The following USP13 variants were observed in gnomAD, a reference collection of about 807,000 sequenced individuals.
USP13 encodes the protein ubiquitin carboxyl-terminal hydrolase 13.
In USP13, 68 loss-of-function variants were observed where a neutral mutation model predicts 107.8. The ratio of observed to expected loss-of-function variants is 0.63; its 90% CI spans 0.52 to 0.77. USP13 has a LOEUF of 0.77. Ranked by LOEUF, USP13 falls within the 30% of genes least tolerant of loss-of-function variation. The pLI is 0.00. For missense variants in USP13, 945 were observed against 1,093.3 expected, an observed-to-expected ratio of 0.86 and a Z score of 1.91; for synonymous variants, 377 against 389.5, an observed-to-expected ratio of 0.97 and a Z score of 0.38.
In USP13 at chr3:179,653,613, A is replaced by T. The variant is rs1272983673; in HGVS notation, c.168+220A>T. The T allele has an allele frequency of 1.7e-6, 1 of 599,486 alleles. No homozygotes were observed. Among genetic ancestry groups the T allele is most frequent in the East Asian group, 3.3e-5 (1 of 30,696 alleles). The allele number at this position is 599,486 out of a possible 1,614,324, so 37.1% of individuals were successfully genotyped here. ...GTGGTTTTGCTCCGCCAGCCTCCCC[A>T]GGCTGGAAGGGCCCGATTCCCAGCA... On this transcript the variant is annotated intron_variant, in intron 1 of 20. Coordinates refer to ENST00000263966, the MANE Select transcript of USP13 (RefSeq NM_003940.3). This position sits in a 1 kb window ranked among gnomAD's most constrained non-coding sequence, Gnocchi z 4.0.
Position 179,696,388 on chromosome 3 carries a change from T to C in USP13, c.356-4620T>C, listed in dbSNP as rs977021909. On this transcript the variant is annotated intron_variant, in intron 3 of 20. Coordinates refer to ENST00000263966, the MANE Select transcript of USP13 (RefSeq NM_003940.3). ...TCTTGTTGCCCAGGCTGGAGTGCAATGGCATGATCTTGGCTCACCGCAACC... is the reference window on the plus strand; with the variant it reads ...TCTTGTTGCCCAGGCTGGAGTGCAACGGCATGATCTTGGCTCACCGCAACC... Among the ~76,000 whole-genome samples the C allele has an allele frequency of 2.2e-5, 3 of 137,096 alleles. No individual in the cohort carries two copies. The East Asian group carries it at 6.6e-4, about 30-fold the overall frequency. 89.9% of individuals were successfully genotyped at this position (137,096 alleles called of 152,430 possible). A position where few individuals can be genotyped will look rare whatever the true frequency, so the allele number is the denominator to read the frequency against.
chr3:179,754,040 C>T (rs1029105488), intron 14 of USP13, among the ~76,000 whole-genome samples: 6 of 152,144 alleles, frequency 3.9e-5, no homozygotes, highest in East Asian at 1.9e-4. Context: ...GATCTGAGAA[C>T]GGGTTGCATC....
At chr3:179,765,358 A>T (rs1715139282) in intron 18 of USP13, among the ~76,000 whole-genome samples, 1 of 152,244 alleles carries the variant, frequency 6.6e-6, no homozygotes, top group Admixed American at 6.5e-5. Flanking sequence ...CACTTAAACA[A>T]ATGCCATACC....
At chr3:179,675,583 T>C (rs1201295324) in intron 1 of USP13, among the ~76,000 whole-genome samples, 1 of 151,424 alleles carries the variant, frequency 6.6e-6, no homozygotes, top group Non-Finnish European at 1.5e-5. Context: ...AGTCTCGCTC[T>C]GTTGCCCAAG....
intron 6 of USP13, among the ~76,000 whole-genome samples, chr3:179,715,662 C>G (rs751335068): frequency 7.9e-5 from 12 of 152,034 alleles, no homozygotes; most frequent in Non-Finnish European, 1.2e-4. Flanking sequence ...TGTGCCCGGC[C>G]TTGTGTTTAT....
At chr3:179,672,673 C>T (rs971751054) in intron 1 of USP13, among the ~76,000 whole-genome samples, 4 of 152,106 alleles carry the variant, frequency 2.6e-5, no homozygotes, top group African/African-American at 9.7e-5. Flanking sequence ...ACCTGCCTCC[C>T]AAAGTGATGG....
At chr3:179,720,322 T>C (rs1275938079) in intron 7 of USP13, among the ~76,000 whole-genome samples, 2 of 152,182 alleles carry the variant, frequency 1.3e-5, no homozygotes, top group African/African-American at 4.8e-5. Context: ...TGGGCAGTCG[T>C]GTGAATCATT....
chr3:179,672,755 A>G (rs1720786281), intron 1 of USP13, among the ~76,000 whole-genome samples: 2 of 152,194 alleles, frequency 1.3e-5, no homozygotes, highest in South Asian at 4.1e-4. Flanking sequence ...GGGCTGGAGA[A>G]GTTGTCAAGG....
At chr3:179,668,254 C>T (rs770697656) in intron 1 of USP13, among the ~76,000 whole-genome samples, 3 of 152,178 alleles carry the variant, frequency 2.0e-5, no homozygotes, top group South Asian at 2.1e-4. Flanking sequence ...CCCGCCTCAG[C>T]CTTTTGAGTA....
chr3:179,694,828 CAAAG>C (rs1236810867), intron 3 of USP13, among the ~76,000 whole-genome samples: 3 of 127,198 alleles, frequency 2.4e-5, no homozygotes, highest in Non-Finnish European at 5.1e-5. Flanking sequence ...AAAAAAGAAA[CAAAG>C]AAAAGAGGAG....
intron 20 of USP13, among the ~76,000 whole-genome samples, chr3:179,783,773 C>T (rs1410291290): frequency 1.3e-5 from 2 of 151,240 alleles, no homozygotes; most frequent in East Asian, 3.9e-4. Context: ...GAGGCTGAAG[C>T]GAGAGGATCC....
chr3:179,749,575 T>C (rs1486255703), intron 13 of USP13, among the ~76,000 whole-genome samples: 4 of 152,196 alleles, frequency 2.6e-5, no homozygotes, highest in African/African-American at 9.7e-5. Flanking sequence ...AGATATATAT[T>C]GAACAGTTAC....
chr3:179,656,222 A>T (rs1720256578), intron 1 of USP13, among the ~76,000 whole-genome samples: 1 of 152,264 alleles, frequency 6.6e-6, no homozygotes, highest in Admixed American at 6.5e-5. Context: ...AAAAAGATAC[A>T]TTTGGCAAGT....
chr3:179,701,039 C>G lies in USP13; in HGVS notation c.387C>G (p.Asp129Glu), dbSNP rs767914957. The G allele has an allele frequency of 6.2e-7, 1 of 1,613,666 alleles. No individual in the cohort carries two copies. Among genetic ancestry groups the G allele is most frequent in the Non-Finnish European group, 8.5e-7 (1 of 1,179,972 alleles). Reference sequence around the variant, plus strand: ...ATACTGATGACGATTTAAATAGCGACGATTATGAATATGAAGATGAAGCCA... The same window carrying G: ...ATACTGATGACGATTTAAATAGCGAGGATTATGAATATGAAGATGAAGCCA... ...DLDTDDDLNS[D>E]DYEYEDEAKL... The change falls in exon 4 of 21, where the codon GAC (aspartate) becomes GAG (glutamate). Residue 129 changes from aspartate (D) to glutamate (E), a missense_variant. Coordinates refer to ENST00000263966, the MANE Select transcript of USP13 (RefSeq NM_003940.3).
At position 179,730,724 on chromosome 3, in the gene USP13, G is replaced by A. The variant is rs371969540; in HGVS notation, c.1254+15G>A. 263 of 1,610,694 alleles carry A rather than the reference G, an allele frequency of 1.6e-4. No individual in the cohort carries two copies. In the African/African-American group the frequency reaches 3.0e-3, roughly 19 times the overall value. On this transcript the variant is annotated intron_variant, in intron 10 of 20. Coordinates refer to ENST00000263966, the MANE Select transcript of USP13 (RefSeq NM_003940.3). Reference sequence around the variant, plus strand: ...AGGAGCACAAGGTATGTGTCCGAGCGTTTGCCATGTTGACATGTAGGTAGG... The same window carrying A: ...AGGAGCACAAGGTATGTGTCCGAGCATTTGCCATGTTGACATGTAGGTAGG...
At chr3:179,743,126 C>G (rs1305488785) in intron 12 of USP13, among the ~76,000 whole-genome samples, 1 of 152,102 alleles carries the variant, frequency 6.6e-6, no homozygotes, top group Non-Finnish European at 1.5e-5. Flanking sequence ...AGCTGGAAGC[C>G]CTCATCCTCA....
intron 3 of USP13, among the ~76,000 whole-genome samples, chr3:179,694,578 G>A (rs1337174229): frequency 6.6e-6 from 1 of 152,016 alleles, no homozygotes; most frequent in East Asian, 1.9e-4. Context: ...CAAGGTGGGT[G>A]GATCACCTGA....
Position 179,742,137 on chromosome 3 carries a change from A to G in USP13, c.1381-60A>G. ...ACACCGGGTTTAGAGTTCATTTTCTACTAAGTCTTAGTGGCTCAATATTCA... is the reference window on the plus strand; with the variant it reads ...ACACCGGGTTTAGAGTTCATTTTCTGCTAAGTCTTAGTGGCTCAATATTCA... On this transcript the variant is annotated intron_variant, in intron 11 of 20. Transcript: ENST00000263966. The surrounding 1 kb of genome is among the most constrained non-coding windows in gnomAD (Gnocchi z 5.0). The G allele has an allele frequency of 6.2e-7, 1 of 1,601,228 alleles. No individual in the cohort carries two copies. The highest frequency in any genetic ancestry group is 8.5e-7 in the Non-Finnish European group (1 of 1,170,216).
intron 16 of USP13, 129 bp downstream of exon 16, chr3:179,757,207 G>A (rs759882554): frequency 1.1e-5 from 12 of 1,048,468 alleles, no homozygotes; most frequent in African/African-American, 4.7e-5. Flanking sequence ...AGGTGGGAAC[G>A]GCTCTGTGTC....
Sources: allele counts gnomAD v4.1 joint callset (sites outside exome capture counted in the v4.1 genomes callset), GRCh38; gene constraint gnomAD v4.1.1; non-coding constraint Gnocchi (gnomAD v3.1); transcripts MANE v1.5; gene names NCBI Gene and HGNC (gene_info 2026-07-23, HGNC 2026-07-21).